TMEM163: variants seen among roughly 807,000 people sequenced by gnomAD.
TMEM163 encodes the protein transmembrane protein 163.
In TMEM163, 17 loss-of-function variants were observed where a neutral mutation model predicts 29.3. That is an observed-to-expected ratio of 0.58 (90% CI 0.40 to 0.87). The LOEUF (loss-of-function observed/expected upper bound fraction) is 0.87, where lower values mean the gene tolerates loss of function less well. Ranked by LOEUF, TMEM163 falls within the 40% of genes least tolerant of loss-of-function variation. The pLI is 0.00. For missense variants in TMEM163, 303 were observed against 381.5 expected (o/e 0.79, Z 1.71); for synonymous variants, 157 against 160.6 (o/e 0.98, Z 0.17).
chr2:134,700,817 T>C (rs1416800100), intron 2 of TMEM163, among the ~76,000 whole-genome samples: 2 of 151,930 alleles, frequency 1.3e-5, no homozygotes, highest in Non-Finnish European at 2.9e-5. Flanking sequence ...GAGAATTGTT[T>C]GAACCCAGGA....
At chr2:134,597,127 C>T (rs2104806934) in intron 2 of TMEM163, among the ~76,000 whole-genome samples, 1 of 152,236 alleles carries the variant, frequency 6.6e-6, no homozygotes, top group South Asian at 2.1e-4. Context: ...CCTGATTGCC[C>T]TGGCCAGAAC....
intron 4 of TMEM163, among the ~76,000 whole-genome samples, chr2:134,532,846 A>G (rs562786546): frequency 1.3e-5 from 2 of 152,290 alleles, no homozygotes; most frequent in East Asian, 3.9e-4. Flanking sequence ...AGTGTTTCCA[A>G]TCACAGCAGC....
In TMEM163 at chr2:134,624,775, G is replaced by A. The variant is rs570124391; in HGVS notation, c.323-72684C>T. 1.4e-3 allele frequency among the ~76,000 whole-genome samples: 208 copies of A among 152,100 alleles called. 1 individual carries two copies. The highest frequency in any genetic ancestry group is 4.8e-3 in the African/African-American group (199 of 41,504). On this transcript the variant is annotated intron_variant, in intron 2 of 7. Coordinates refer to ENST00000281924, the MANE Select transcript of TMEM163 (RefSeq NM_030923.5). ...AATACAAAAATTAGCCAGGCATGGTGGCATGAGCCTATAATCCTAGCTACT... is the reference window on the plus strand; with the variant it reads ...AATACAAAAATTAGCCAGGCATGGTAGCATGAGCCTATAATCCTAGCTACT...
chr2:134,498,729 G>C (rs2106485590), intron 5 of TMEM163, among the ~76,000 whole-genome samples: 1 of 152,362 alleles, frequency 6.6e-6, no homozygotes, highest in Middle Eastern at 3.4e-3. Context: ...GGTGGCAGGA[G>C]TAGCCAGAAA....
At chr2:134,711,913 G>A (rs889686049) in intron 2 of TMEM163, among the ~76,000 whole-genome samples, 2 of 152,078 alleles carry the variant, frequency 1.3e-5, no homozygotes, top group Non-Finnish European at 2.9e-5. Context: ...CTTTGCATAT[G>A]TAAATTATGG....
intron 4 of TMEM163, among the ~76,000 whole-genome samples, chr2:134,534,955 A>G (rs1680500144): frequency 6.6e-6 from 1 of 152,248 alleles, no homozygotes; most frequent in African/African-American, 2.4e-5. Flanking sequence ...TAAGGGGAGC[A>G]CTGAGATACA....
At chr2:134,553,953 G>A (rs1462999229) in intron 2 of TMEM163, among the ~76,000 whole-genome samples, 1 of 152,210 alleles carries the variant, frequency 6.6e-6, no homozygotes, top group Non-Finnish European at 1.5e-5. Flanking sequence ...CTCCATAACT[G>A]TTAACTAAGC....
chr2:134,575,318 G>C (rs1681527983), intron 2 of TMEM163, among the ~76,000 whole-genome samples: 1 of 152,106 alleles, frequency 6.6e-6, no homozygotes. Flanking sequence ...TCTGAACCAT[G>C]GTCAGGCCCC....
At chr2:134,468,717 C>T (rs1311314743) in intron 5 of TMEM163, 1 of 152,234 alleles carries the variant, frequency 6.6e-6, no homozygotes, top group Non-Finnish European at 1.5e-5. Flanking sequence ...TGTGCTTACC[C>T]CATCTAGGCC....
intron 2 of TMEM163, among the ~76,000 whole-genome samples, chr2:134,576,266 G>C (rs1681552078): frequency 6.6e-6 from 1 of 152,156 alleles, no homozygotes; most frequent in African/African-American, 2.4e-5. Context: ...TGACTTGCCT[G>C]TGAAATTCTA....
In TMEM163 at chr2:134,499,210, G is replaced by A. The variant is rs371736499; in HGVS notation, c.555+3691C>T. ...ATAACTAAATAAAAAAGATGCAGTCGGGGAGGCAGAGGGTCAGTAGTGTCA... is the reference window on the plus strand; with the variant it reads ...ATAACTAAATAAAAAAGATGCAGTCAGGGAGGCAGAGGGTCAGTAGTGTCA... On this transcript the variant is annotated intron_variant, in intron 5 of 7. Transcript: ENST00000281924. Among the ~76,000 whole-genome samples, 141 of 152,278 alleles carry A rather than the reference G, an allele frequency of 9.3e-4. 2 individuals carry two copies. The East Asian group carries it at 0.014, about 15-fold the overall frequency.
At chr2:134,549,120 T>G (rs909231345) in intron 4 of TMEM163, among the ~76,000 whole-genome samples, 1 of 148,818 alleles carries the variant, frequency 6.7e-6, no homozygotes, top group Admixed American at 6.7e-5. Flanking sequence ...AAAAAAAAAC[T>G]AATGCCCATT....
chr2:134,541,803 TACACACAC>T (rs1365077562), intron 4 of TMEM163, among the ~76,000 whole-genome samples: 1 of 128,592 alleles, frequency 7.8e-6, no homozygotes, highest in Non-Finnish European at 1.6e-5. Flanking sequence ...CACACACACA[TACACACAC>T]ACGGAGCATA....
At chr2:134,544,801 T>C (rs1405166774) in intron 4 of TMEM163, among the ~76,000 whole-genome samples, 1 of 151,934 alleles carries the variant, frequency 6.6e-6, no homozygotes, top group Non-Finnish European at 1.5e-5. Context: ...TCTCAATAAA[T>C]AAATAAATAA....
At chr2:134,494,091 CA>C (rs1679492050) in intron 5 of TMEM163, among the ~76,000 whole-genome samples, 1 of 152,236 alleles carries the variant, frequency 6.6e-6, no homozygotes, top group South Asian at 2.1e-4. Context: ...GGGAGAGTGC[CA>C]ACCCCCGCCA....
intron 2 of TMEM163, among the ~76,000 whole-genome samples, chr2:134,600,768 G>A (rs1003667836): frequency 6.6e-6 from 1 of 152,186 alleles, no homozygotes; most frequent in African/African-American, 2.4e-5. Flanking sequence ...CATGGCAAAA[G>A]CATTAGCCAG....
intron 2 of TMEM163, among the ~76,000 whole-genome samples, chr2:134,694,600 T>G (rs1432587817): frequency 6.6e-6 from 1 of 152,250 alleles, no homozygotes; most frequent in African/African-American, 2.4e-5. Flanking sequence ...ATGGGACATG[T>G]AAAGTTTAAG....
chr2:134,645,256 C>T (rs1683308587), intron 2 of TMEM163, among the ~76,000 whole-genome samples: 1 of 152,240 alleles, frequency 6.6e-6, no homozygotes. Context: ...AGCAATCCTA[C>T]ACCTAAGTAT....
intron 2 of TMEM163, among the ~76,000 whole-genome samples, chr2:134,667,719 C>T (rs1224822008): frequency 1.3e-5 from 2 of 152,304 alleles, no homozygotes; most frequent in East Asian, 1.9e-4. Flanking sequence ...GCAAGGATAA[C>T]ACTGTATGGA....
Sources: gnomAD v4.1 joint callset for allele counts (sites outside exome capture counted in the v4.1 genomes callset) on GRCh38, gnomAD v4.1.1 for gene constraint, MANE v1.5 for transcripts, NCBI Gene and HGNC (gene_info 2026-07-23, HGNC 2026-07-21) for gene names.